SERPINA10: variants seen among roughly 807,000 people sequenced by gnomAD.
SERPINA10 encodes protein Z-dependent protease inhibitor.
In SERPINA10, 24 loss-of-function variants were observed where a neutral mutation model predicts 28.0. The observed-to-expected ratio is 0.86, with a 90% confidence interval of 0.62 to 1.20. The LOEUF (loss-of-function observed/expected upper bound fraction) is 1.20, where lower values mean the gene tolerates loss of function less well. SERPINA10 is among the 50% of genes most tolerant of loss of function. The pLI, the probability that SERPINA10 is intolerant of heterozygous loss-of-function variation, is 0.00. For missense variants in SERPINA10, 521 were observed against 537.7 expected (o/e 0.97, Z 0.31); for synonymous variants, 207 against 203.9 (o/e 1.02, Z -0.13).
At chr14:94,291,672 C>T in intron 1 of SERPINA10, among the ~76,000 whole-genome samples, 1 of 152,174 alleles carries the variant, frequency 6.6e-6, no homozygotes, top group Non-Finnish European at 1.5e-5. Flanking sequence ...CCACCCAGCC[C>T]AGTGAGCGCA....
Position 94,289,894 on chromosome 14 carries a change from C to A in SERPINA10, c.700G>T (p.Asp234Tyr). 6.2e-7 allele frequency: 1 copy of A among 1,613,974 alleles called. No individual in the cohort carries two copies. Among genetic ancestry groups the A allele is most frequent in the Non-Finnish European group, 8.5e-7 (1 of 1,179,974 alleles). Residue 234 changes from aspartate to tyrosine, a missense_variant, in exon 2 of 5, where the codon GAT (aspartate) becomes TAT (tyrosine). Coordinates refer to ENST00000261994, the MANE Select transcript of SERPINA10 (RefSeq NM_001100607.3). ...AAAGTACCTTTGAACAAGATGTAAT[C>A]CACAAGAATTAATTTGGTTTCAGGA... ...INPETKLILV[D>Y]YILFKGKWLT...
rs991745492 is a variant in SERPINA10 at position 94,282,348 on chromosome 14, G to T, written c.*1617C>A. On this transcript the variant is annotated 3_prime_UTR_variant, in exon 5 of 5. Coordinates refer to ENST00000261994, the MANE Select transcript of SERPINA10 (RefSeq NM_001100607.3). The stretch of plus-strand genomic sequence containing the variant: ...CACACTGTAAATCAGCTCTATTCAG[G>T]ATTCTCTGAATATAGTCTTTTCTGT... 2.0e-5 allele frequency: 3 copies of T among 152,072 alleles called. No individual in the cohort carries two copies. The East Asian group carries it at 5.8e-4, about 29-fold the overall frequency. 9.4% of individuals were successfully genotyped at this position (152,072 alleles called of 1,614,324 possible). A position where few individuals can be genotyped will look rare whatever the true frequency, so the allele number is the denominator to read the frequency against.
At position 94,282,856 on chromosome 14, in the gene SERPINA10, G is replaced by A. The variant is rs947262114; in HGVS notation, c.*1109C>T. ...GAAGGAGGAGTCTACAAGGTTAAAC[G>A]TGCCTAGGGCCCATGAAAGTAAGAA... On this transcript the variant is annotated 3_prime_UTR_variant, in exon 5 of 5. Transcript: ENST00000261994. 2 of 152,118 alleles carry A rather than the reference G, an allele frequency of 1.3e-5. No individual in the cohort carries two copies. Among genetic ancestry groups the A allele is most frequent in the Non-Finnish European group, 2.9e-5 (2 of 68,022 alleles). The allele number at this position is 152,118 out of a possible 1,614,324, so 9.4% of individuals were successfully genotyped here. A position where few individuals can be genotyped will look rare whatever the true frequency, so the allele number is the denominator to read the frequency against.
intron 4 of SERPINA10, 53 bp downstream of exon 4, chr14:94,286,054 GT>G: frequency 6.2e-7 from 1 of 1,603,374 alleles, no homozygotes. Flanking sequence ...AAAAGCATTT[GT>G]TTTGGTGACA....
At chr14:94,292,826 T>TCTA in intron 1 of SERPINA10, 1 of 609,456 alleles carries the variant, frequency 1.6e-6, no homozygotes, top group South Asian at 1.9e-5. Flanking sequence ...CAGTAAGGAA[T>TCTA]CACCAGCTCA....
chr14:94,286,361 A>G (rs537286586), intron 3 of SERPINA10, 103 bp from the exon 4 acceptor site: 22 of 1,255,172 alleles, frequency 1.8e-5, no homozygotes, highest in Non-Finnish European at 2.3e-5. Flanking sequence ...TCCATTAATG[A>G]GTCTTTCAGT....
chr14:94,288,456 C>T lies in SERPINA10; in HGVS notation c.822G>A (p.Lys274=), dbSNP rs1244092473. ...AATTCTTGTCAAAGGTGGAGGCAAA[C>T]TTGCCTGCACCGTACATCATGGGCA... The part of the protein sequence containing the change: ...IKVPMMYGAG[K]FASTFDKNFR... Residue 274 remains lysine (K), a synonymous_variant, in exon 3 of 5, where the codon AAG becomes AAA. Coordinates refer to ENST00000261994, the MANE Select transcript of SERPINA10 (RefSeq NM_001100607.3). 1 of 1,614,160 alleles carries T rather than the reference C, an allele frequency of 6.2e-7. No individual in the cohort carries two copies.
intron 1 of SERPINA10, 79 bp downstream of exon 1, chr14:94,293,110 G>T (rs2232693): frequency 1.2e-5 from 2 of 172,558 alleles, no homozygotes; most frequent in South Asian, 3.1e-4. Flanking sequence ...GTTGGAGCCC[G>T]CCCAGGGATG....
intron 1 of SERPINA10, among the ~76,000 whole-genome samples, chr14:94,291,687 G>A (rs1895181667): frequency 6.6e-6 from 1 of 152,224 alleles, no homozygotes; most frequent in African/African-American, 2.4e-5. Context: ...AGCGCAGGGT[G>A]GATGCTGCCG....
Position 94,283,919 on chromosome 14 carries a change from A to G in SERPINA10, c.*46T>C. On this transcript the variant is annotated 3_prime_UTR_variant, in exon 5 of 5. Transcript: ENST00000261994. Reference sequence around the variant, plus strand: ...GTATCCTGTGTGTGTTTGATACCTCAGATTCAGCATCTACTACAGCACGAA... The same window carrying G: ...GTATCCTGTGTGTGTTTGATACCTCGGATTCAGCATCTACTACAGCACGAA... 1 of 1,578,030 alleles carries G rather than the reference A, an allele frequency of 6.3e-7. No homozygotes were observed. Among genetic ancestry groups the G allele is most frequent in the Non-Finnish European group, 8.7e-7 (1 of 1,147,338 alleles).
chr14:94,285,972 A>G (rs2139693192), intron 4 of SERPINA10, 136 bp downstream of exon 4: 3 of 1,060,696 alleles, frequency 2.8e-6, no homozygotes, highest in East Asian at 2.6e-5. Context: ...CCTGGGTGCT[A>G]TTTCAAGTAT....
intron 3 of SERPINA10, among the ~76,000 whole-genome samples, chr14:94,286,531 T>C (rs976542955): frequency 2.6e-5 from 4 of 152,198 alleles, no homozygotes; most frequent in African/African-American, 9.7e-5. Context: ...TCCCTATATT[T>C]TAAAAAAAAC....
chr14:94,287,354 C>A (rs1358795081), intron 3 of SERPINA10, among the ~76,000 whole-genome samples: 1 of 152,172 alleles, frequency 6.6e-6, no homozygotes, highest in Non-Finnish European at 1.5e-5. Context: ...GTTGCTAAGG[C>A]CAAAAACTTT....
intron 3 of SERPINA10, 115 bp from the exon 4 acceptor site, chr14:94,286,373 G>T: frequency 1.7e-6 from 2 of 1,144,212 alleles, no homozygotes; most frequent in Non-Finnish European, 2.6e-6. Context: ...TCTTTCAGTT[G>T]ACTATGTAGT....
intron 2 of SERPINA10, 119 bp downstream of exon 2, chr14:94,289,757 G>A (rs1297953180): frequency 9.5e-6 from 11 of 1,156,586 alleles, no homozygotes; most frequent in African/African-American, 7.6e-5. Context: ...TTTTTGAAAC[G>A]TGAAAACACA....
intron 3 of SERPINA10, among the ~76,000 whole-genome samples, chr14:94,286,490 T>G (rs1259103194): frequency 6.6e-6 from 1 of 152,214 alleles, no homozygotes; most frequent in African/African-American, 2.4e-5. Context: ...GTGACTCACG[T>G]TTTCTTTAGC....
At chr14:94,285,495 A>ATG (rs1566717256) in intron 4 of SERPINA10, among the ~76,000 whole-genome samples, 2 of 150,952 alleles carry the variant, frequency 1.3e-5, no homozygotes, top group Non-Finnish European at 2.9e-5. Flanking sequence ...ATATATATAT[A>ATG]TATGTGTGTG....
At chr14:94,286,353 C>T in intron 3 of SERPINA10, 95 bp from the exon 4 acceptor site, 1 of 1,343,776 alleles carries the variant, frequency 7.4e-7, no homozygotes, top group Non-Finnish European at 1.1e-6. Flanking sequence ...AGATTATTTC[C>T]ATTAATGAGT....
chr14:94,282,730 A>G lies in SERPINA10; in HGVS notation c.*1235T>C, dbSNP rs1894929280. On this transcript the variant is annotated 3_prime_UTR_variant, in exon 5 of 5. Transcript: ENST00000261994. ...ATGAAGGTGTTTTGCTTATTGCCAT[A>G]TGCTAGACATATAACTTTGAAGCTA... 1 of 152,248 alleles carries G rather than the reference A, an allele frequency of 6.6e-6. No homozygotes were observed. Among genetic ancestry groups the G allele is most frequent in the Non-Finnish European group, 1.5e-5 (1 of 68,046 alleles). The allele number at this position is 152,248 out of a possible 1,614,324, so 9.4% of individuals were successfully genotyped here.
Sources: gnomAD v4.1 joint callset for allele counts (sites outside exome capture counted in the v4.1 genomes callset) on GRCh38, gnomAD v4.1.1 for gene constraint, MANE v1.5 for transcripts, NCBI Gene and HGNC (gene_info 2026-07-23, HGNC 2026-07-21) for gene names.